CXCL17: variants seen among roughly 807,000 people sequenced by gnomAD.
The protein encoded by CXCL17 is C-X-C motif chemokine 17.
CXCL17 carries 9 observed loss-of-function variants against 15.5 expected under a neutral mutation model. The observed-to-expected ratio is 0.58, with a 90% CI of 0.35 to 1.01. The LOEUF (loss-of-function observed/expected upper bound fraction) is 1.01. Among genes scored for constraint, CXCL17 ranks in the 50% least tolerant of loss-of-function variants. CXCL17 has a pLI of 0.02. For missense variants in CXCL17, 133 were observed against 138.2 expected (o/e 0.96, Z 0.19); for synonymous variants, 52 against 52.3 (o/e 0.99, Z 0.02).
chr19:42,433,233 G>A (rs960011101), intron 2 of CXCL17, 156 bp from the exon 3 acceptor site: 8 of 600,220 alleles, frequency 1.3e-5, no homozygotes, highest in Admixed American at 3.2e-5. Context: ...CCAGCTATTT[G>A]AATGCCAGTA....
At chr19:42,434,581 ACCACTCCT>A (rs1299359866) in intron 1 of CXCL17, among the ~76,000 whole-genome samples, 1 of 152,004 alleles carries the variant, frequency 6.6e-6, no homozygotes, top group Admixed American at 6.6e-5. Flanking sequence ...GGCATGCACC[ACCACTCCT>A]GGCTAGTTTT....
chr19:42,441,698 CA>C (rs1445352450), intron 1 of CXCL17, among the ~76,000 whole-genome samples: 1 of 152,210 alleles, frequency 6.6e-6, no homozygotes, highest in Non-Finnish European at 1.5e-5. Flanking sequence ...GAGTATGTAA[CA>C]TAGCCATTTC....
chr19:42,439,237 G>C (rs60313903), intron 1 of CXCL17, among the ~76,000 whole-genome samples: 15,522 of 117,108 alleles, frequency 0.13, 945 homozygotes, highest in Middle Eastern at 0.36. Flanking sequence ...CTAGGCAACA[G>C]AGCAAGACTC....
chr19:42,430,978 C>T (rs548840560), intron 3 of CXCL17, among the ~76,000 whole-genome samples: 2 of 152,242 alleles, frequency 1.3e-5, no homozygotes, highest in South Asian at 4.1e-4. Context: ...GCTGGGATTA[C>T]AGATGTGCAC....
chr19:42,433,645 T>C (rs2040805171), intron 2 of CXCL17, 131 bp downstream of exon 2: 1 of 730,642 alleles, frequency 1.4e-6, no homozygotes. Flanking sequence ...AGGTGCTGCA[T>C]GTGGCAGGCT....
intron 1 of CXCL17, among the ~76,000 whole-genome samples, chr19:42,438,210 T>A (rs1270583047): frequency 6.7e-6 from 1 of 150,296 alleles, no homozygotes; most frequent in Non-Finnish European, 1.5e-5. Context: ...TACAAAAAAT[T>A]AGCCAGGTGT....
chr19:42,438,202 C>G (rs901898149), intron 1 of CXCL17, among the ~76,000 whole-genome samples: 3 of 150,146 alleles, frequency 2.0e-5, no homozygotes, highest in Non-Finnish European at 4.4e-5. Flanking sequence ...ACTAAAAATA[C>G]AAAAAATTAG....
At chr19:42,433,277 AGGTTTGGGCAAG>A (rs1016507367) in intron 2 of CXCL17, among the ~76,000 whole-genome samples, 200 bp from the exon 3 acceptor site, 9 of 152,072 alleles carry the variant, frequency 5.9e-5, no homozygotes, top group South Asian at 2.1e-4. Context: ...ACTTTGGGCA[AGGTTTGGGCAAG>A]GGTTTGGGCA....
chr19:42,435,071 C>T (rs1293379340), intron 1 of CXCL17, among the ~76,000 whole-genome samples: 1 of 150,026 alleles, frequency 6.7e-6, no homozygotes, highest in South Asian at 2.1e-4. Context: ...CCCAGCTACT[C>T]GGGAGGCTGA....
intron 3 of CXCL17, among the ~76,000 whole-genome samples, chr19:42,429,636 A>G (rs114665876): frequency 0.01 from 1,591 of 152,186 alleles, 31 homozygotes; most frequent in African/African-American, 0.036. Flanking sequence ...CCAACATTTA[A>G]TTTTTATGAG....
intron 3 of CXCL17, among the ~76,000 whole-genome samples, chr19:42,430,988 C>G (rs907575426): frequency 2.0e-5 from 3 of 152,134 alleles, no homozygotes; most frequent in African/African-American, 7.2e-5. Flanking sequence ...CAGATGTGCA[C>G]CATCACGCCC....
Position 42,429,575 on chromosome 19 carries a change from G to T in CXCL17, c.263-594C>A, listed in dbSNP as rs1365433373. On this transcript the variant is annotated intron_variant, in intron 3 of 3. Transcript: ENST00000601181. The stretch of plus-strand genomic sequence containing the variant: ...ACTCCTGACCTCAGGTGATCCACCC[G>T]CTTTTGCCTCCCAAAATGCTAGGAT... Among the ~76,000 whole-genome samples, 3 of 152,056 alleles carry T rather than the reference G, an allele frequency of 2.0e-5. No individual in the cohort carries two copies. In the East Asian group the frequency reaches 5.8e-4, roughly 29 times the overall value.
intron 1 of CXCL17, among the ~76,000 whole-genome samples, chr19:42,438,124 C>T (rs184575014): frequency 1.3e-3 from 204 of 151,466 alleles, no homozygotes; most frequent in Non-Finnish European, 2.1e-3. Flanking sequence ...TTTGGGAGGC[C>T]GAGGCAGGCG....
chr19:42,433,961 A>G (rs963211921), intron 1 of CXCL17, 105 bp from the exon 2 acceptor site: 1 of 769,320 alleles, frequency 1.3e-6, no homozygotes. Context: ...TTCCATTTTT[A>G]CTTCAAGAAT....
chr19:42,430,933 G>T (rs530346351), intron 3 of CXCL17, among the ~76,000 whole-genome samples: 1 of 152,168 alleles, frequency 6.6e-6, no homozygotes, highest in Admixed American at 6.5e-5. Context: ...TGCCTCCCGG[G>T]TTCAAATAAT....
intron 3 of CXCL17, 33 bp from the exon 4 acceptor site, chr19:42,429,014 T>A: frequency 6.6e-7 from 1 of 1,514,580 alleles, no homozygotes; most frequent in Non-Finnish European, 9.1e-7. Flanking sequence ...AGGCTAGTGT[T>A]AAAACCATTT....
chr19:42,440,457 G>A (rs2040880285), intron 1 of CXCL17, among the ~76,000 whole-genome samples: 1 of 152,170 alleles, frequency 6.6e-6, no homozygotes, highest in South Asian at 2.1e-4. Context: ...TTGCTTGGCT[G>A]GGAAACAAGA....
At chr19:42,433,745 C>G (rs1457428942) in intron 2 of CXCL17, 31 bp downstream of exon 2, 1 of 1,581,060 alleles carries the variant, frequency 6.3e-7, no homozygotes, top group South Asian at 1.1e-5. Flanking sequence ...CATGGTGATG[C>G]CATCGCTGTT....
chr19:42,436,099 A>G (rs1180749920), intron 1 of CXCL17, among the ~76,000 whole-genome samples: 1 of 149,070 alleles, frequency 6.7e-6, no homozygotes, highest in Non-Finnish European at 1.5e-5. Flanking sequence ...ACTCTGAACC[A>G]TTGGTTCAGT....
Sources: gnomAD v4.1 joint callset for allele counts (sites outside exome capture counted in the v4.1 genomes callset) on GRCh38, gnomAD v4.1.1 for gene constraint, MANE v1.5 for transcripts, NCBI Gene and HGNC (gene_info 2026-07-23, HGNC 2026-07-21) for gene names.